ARHGAP17: variants seen among roughly 807,000 people sequenced by gnomAD.
ARHGAP17 encodes rho GTPase-activating protein 17.
In ARHGAP17, 57 loss-of-function variants were observed where a neutral mutation model predicts 99.5. The ratio of observed to expected loss-of-function variants is 0.57; its 90% CI spans 0.46 to 0.71. The LOEUF (loss-of-function observed/expected upper bound fraction) is 0.71, where lower values mean the gene tolerates loss of function less well. Among genes scored for constraint, ARHGAP17 ranks in the 30% least tolerant of loss-of-function variants. ARHGAP17 has a pLI of 0.00. For synonymous variants in ARHGAP17, 417 were observed against 429.6 expected (o/e 0.97, Z 0.36); for missense variants, 1,000 against 1,122.4 (o/e 0.89, Z 1.56).
chr16:24,941,950 T>C, intron 16 of ARHGAP17, 37 bp downstream of exon 16: 1 of 1,613,396 alleles, frequency 6.2e-7, no homozygotes, highest in Non-Finnish European at 8.5e-7. Context: ...TAACAACATA[T>C]TTACTGCTGG....
At chr16:24,979,585 T>A (rs1428798741) in intron 1 of ARHGAP17, among the ~76,000 whole-genome samples, 1 of 152,218 alleles carries the variant, frequency 6.6e-6, no homozygotes, top group Non-Finnish European at 1.5e-5. Flanking sequence ...TTCTCTGCTA[T>A]GCTTTGAACT....
At chr16:24,983,975 T>C (rs2052779394) in intron 1 of ARHGAP17, among the ~76,000 whole-genome samples, 1 of 152,202 alleles carries the variant, frequency 6.6e-6, no homozygotes, top group African/African-American at 2.4e-5. Context: ...TGTCCAACCC[T>C]GCAGTGTGGC....
intron 13 of ARHGAP17, among the ~76,000 whole-genome samples, chr16:24,947,948 C>T (rs894801823): frequency 2.0e-5 from 3 of 151,506 alleles, no homozygotes; most frequent in Non-Finnish European, 4.4e-5. Context: ...CAAAAACAGA[C>T]ACAGTTATAT....
intron 12 of ARHGAP17, among the ~76,000 whole-genome samples, chr16:24,950,842 A>G (rs1300366523): frequency 2.0e-5 from 3 of 150,536 alleles, no homozygotes; most frequent in Non-Finnish European, 4.4e-5. Flanking sequence ...AACTCAAAAA[A>G]AAAAAAAAAA....
At chr16:25,014,407 G>C (rs1041164142) in intron 1 of ARHGAP17, among the ~76,000 whole-genome samples, 1 of 152,214 alleles carries the variant, frequency 6.6e-6, no homozygotes, top group Admixed American at 6.5e-5. Context: ...CTGACAACCT[G>C]ATCTACCAAC....
chr16:24,996,443 G>A (rs182915410), intron 1 of ARHGAP17, among the ~76,000 whole-genome samples: 2 of 152,288 alleles, frequency 1.3e-5, no homozygotes, highest in Admixed American at 1.3e-4. Flanking sequence ...TGCTCCAACA[G>A]GATATTGGTC....
At chr16:24,989,196 C>A (rs1018218800) in intron 1 of ARHGAP17, among the ~76,000 whole-genome samples, 1 of 152,188 alleles carries the variant, frequency 6.6e-6, no homozygotes, top group African/African-American at 2.4e-5. Flanking sequence ...AGTGCTGTGA[C>A]TGATGGCTGC....
Position 24,942,024 on chromosome 16 carries a change from T to C in ARHGAP17, c.1453A>G (p.Met485Val), listed in dbSNP as rs965697583. ...GTLERKRPAS[M>V]AVMEGDLVKK... ...ACCAAGTCTCCTTCCATCACCGCCA[T>C]GCTAGCAGGCCGCTTCCTCTCCAGG... Residue 485 changes from methionine (M) to valine (V), a missense_variant, in exon 16 of 20, where the codon ATG (methionine) becomes GTG (valine). Met to Val is a conservative substitution (Grantham distance 21). This residue lies in a region of ARHGAP17 where 472 missense variants were observed against 611.1 expected (regional missense o/e 0.77). Coordinates refer to ENST00000289968, the MANE Select transcript of ARHGAP17 (RefSeq NM_001006634.3). 3 of 1,614,084 alleles carry C rather than the reference T, an allele frequency of 1.9e-6. No homozygotes were observed.
intron 11 of ARHGAP17, among the ~76,000 whole-genome samples, 191 bp from the exon 12 acceptor site, chr16:24,952,561 T>G (rs2051675848): frequency 6.6e-6 from 1 of 152,072 alleles, no homozygotes; most frequent in South Asian, 2.1e-4. Flanking sequence ...AAAAAAAAGT[T>G]TTAAGAGATC....
intron 13 of ARHGAP17, chr16:24,949,159 T>C (rs998963302): frequency 8.1e-6 from 3 of 371,370 alleles, no homozygotes; most frequent in South Asian, 1.3e-4. Flanking sequence ...TGCTAATAGC[T>C]GTAGTGGGAA....
intron 3 of ARHGAP17, among the ~76,000 whole-genome samples, chr16:24,971,217 TG>T (rs1389406252): frequency 1.3e-5 from 2 of 152,072 alleles, no homozygotes; most frequent in African/African-American, 4.8e-5. Context: ...TTCAAGGCAC[TG>T]GGGACATGAC....
intron 1 of ARHGAP17, among the ~76,000 whole-genome samples, chr16:24,989,039 G>C (rs1487891052): frequency 6.6e-6 from 1 of 152,216 alleles, no homozygotes; most frequent in Non-Finnish European, 1.5e-5. Flanking sequence ...TAAGGGAAAG[G>C]AGCTCAGGAG....
Position 24,943,751 on chromosome 16 carries a change from G to A in ARHGAP17, c.1333+20C>T. 6.2e-7 allele frequency: 1 copy of A among 1,606,522 alleles called. No homozygotes were observed. Among genetic ancestry groups the A allele is most frequent in the Admixed American group, 1.7e-5 (1 of 59,942 alleles). ...TTATCACATTGCTTTGGCGGTCAAT[G>A]AAACTGAAGTGAGAATTACCTTCAG... On this transcript the variant is annotated intron_variant, in intron 15 of 19. Coordinates refer to ENST00000289968, the MANE Select transcript of ARHGAP17 (RefSeq NM_001006634.3).
intron 17 of ARHGAP17, among the ~76,000 whole-genome samples, chr16:24,937,596 G>A (rs2051177820): frequency 6.6e-6 from 1 of 152,212 alleles, no homozygotes; most frequent in Admixed American, 6.5e-5. Flanking sequence ...AGGTGCACGG[G>A]AAGCCCTAAG....
At chr16:24,948,797 G>A (rs953547627) in intron 13 of ARHGAP17, among the ~76,000 whole-genome samples, 15 of 151,234 alleles carry the variant, frequency 9.9e-5, no homozygotes, top group Admixed American at 5.9e-4. Flanking sequence ...GCACTTTCTA[G>A]AAAATTTTCT....
intron 16 of ARHGAP17, 21 bp from the exon 17 acceptor site, chr16:24,939,618 G>A: frequency 6.3e-7 from 1 of 1,584,942 alleles, no homozygotes; most frequent in Non-Finnish European, 8.6e-7. Flanking sequence ...AGAAGAAACA[G>A]TCAACACACC....
At chr16:24,954,906 T>C (rs2051760640) in intron 9 of ARHGAP17, 176 bp from the exon 10 acceptor site, 4 of 869,538 alleles carry the variant, frequency 4.6e-6, no homozygotes, top group Admixed American at 2.8e-5. Flanking sequence ...CAGCAAACTA[T>C]GGACCAGGCT....
chr16:24,981,528 C>T (rs2052673742), intron 1 of ARHGAP17, among the ~76,000 whole-genome samples: 1 of 152,000 alleles, frequency 6.6e-6, no homozygotes, highest in Non-Finnish European at 1.5e-5. Context: ...AATTTGATAA[C>T]CCAAACGATA....
At chr16:24,988,971 G>C (rs927436805) in intron 1 of ARHGAP17, among the ~76,000 whole-genome samples, 1 of 152,170 alleles carries the variant, frequency 6.6e-6, no homozygotes, top group African/African-American at 2.4e-5. Context: ...AAAAATATGT[G>C]AGAAATATTT....
Sources: gnomAD v4.1 joint callset for allele counts (sites outside exome capture counted in the v4.1 genomes callset) on GRCh38, gnomAD v4.1.1 for gene constraint, gnomAD v4.1.1 regional missense constraint, MANE v1.5 for transcripts, NCBI Gene and HGNC (gene_info 2026-07-23, HGNC 2026-07-21) for gene names.